SPINK5: variants seen among roughly 807,000 people sequenced by gnomAD.
SPINK5 encodes serine protease inhibitor Kazal-type 5.
In SPINK5, 125 loss-of-function variants were observed where a neutral mutation model predicts 151.8. The ratio of observed to expected loss-of-function variants is 0.82; its 90% CI spans 0.71 to 0.96. The LOEUF (loss-of-function observed/expected upper bound fraction) is 0.96, where lower values mean the gene tolerates loss of function less well. Ranked by LOEUF, SPINK5 falls within the 40% of genes least tolerant of loss-of-function variation. The pLI is 0.00. For missense variants in SPINK5, 1,194 were observed against 1,291.9 expected (o/e 0.92, Z 1.16); for synonymous variants, 374 against 395.3 (o/e 0.95, Z 0.64).
In SPINK5 at chr5:148,114,355, C is replaced by G; in HGVS notation, c.1888-7C>G. 1 of 1,608,458 alleles carries G rather than the reference C, an allele frequency of 6.2e-7. No homozygotes were observed. Among genetic ancestry groups the G allele is most frequent in the South Asian group, 1.1e-5 (1 of 90,784 alleles). The stretch of plus-strand genomic sequence containing the variant: ...ACTCAAGCTTTCTCCTTTTCTTTTC[C>G]TTTTAGGAGACATGCGATGAATTTC... On this transcript the variant is annotated splice_region_variant and splice_polypyrimidine_tract_variant and intron_variant, in intron 20 of 32. Transcript: ENST00000256084.
Position 148,099,243 on chromosome 5 carries a change from A to G in SPINK5, c.1020A>G (p.Glu340=). 1 of 1,610,336 alleles carries G rather than the reference A, an allele frequency of 6.2e-7. No individual in the cohort carries two copies. The highest frequency in any genetic ancestry group is 8.5e-7 in the Non-Finnish European group (1 of 1,178,034). ...TTTCCCTCTTATTCAGCCAAGCAGA[A>G]AATGAAGAAAAGAAAAAGGCTGAAG... is the stretch of plus-strand genomic sequence containing the variant. ...CSMCQAYFQA[E]NEEKKKAEAR... is the part of the protein sequence containing the mutation. Residue 340 remains glutamate (E), a synonymous_variant, in exon 12 of 33, where the codon GAA becomes GAG. Transcript: ENST00000256084.
chr5:148,095,734 A>AC, intron 9 of SPINK5, 84 bp from the exon 10 acceptor site: 1 of 1,175,788 alleles, frequency 8.5e-7, no homozygotes. Context: ...AGGACAACTT[A>AC]GATATTTTTC....
chr5:148,088,597 C>A lies in SPINK5; in HGVS notation c.466C>A (p.Pro156Thr), dbSNP rs749514810. Residue 156 changes from proline (P) to threonine (T), a missense_variant, in exon 6 of 33, where the codon CCA becomes ACA. Pro to Thr is a conservative substitution (Grantham distance 38). Transcript: ENST00000256084. The stretch of plus-strand genomic sequence containing the variant: ...TGAAGGGGAATGTAAGAGCAGTAAT[C>A]CAGAGCAGGTGAGGTCAATTGTCAG... ...KSEGECKSSN[P>T]EQDVCSAFRP... The A allele has an allele frequency of 8.1e-6, 13 of 1,611,336 alleles. No homozygotes were observed. The highest frequency in any genetic ancestry group is 1.7e-5 in the Admixed American group (1 of 59,712).
chr5:148,093,891 G>T (rs1200097403), intron 8 of SPINK5, among the ~76,000 whole-genome samples: 1 of 151,782 alleles, frequency 6.6e-6, no homozygotes, highest in African/African-American at 2.4e-5. Context: ...CTGTTTCTTA[G>T]TAATCCTCAT....
chr5:148,083,414 G>A (rs1753072908), intron 4 of SPINK5, among the ~76,000 whole-genome samples: 2 of 151,090 alleles, frequency 1.3e-5, no homozygotes, highest in African/African-American at 4.8e-5. Context: ...TATATTTATT[G>A]TTATTTCTGT....
At chr5:148,097,238 A>T (rs73271110) in intron 10 of SPINK5, among the ~76,000 whole-genome samples, 12,228 of 151,968 alleles carry the variant, frequency 0.08, 775 homozygotes, top group African/African-American at 0.17. Flanking sequence ...TTTCTGCTAT[A>T]AACATTTATA....
In SPINK5 at chr5:148,100,537, T is replaced by A. The variant is rs764083167; in HGVS notation, c.1176T>A (p.Asp392Glu). 3.1e-6 allele frequency: 5 copies of A among 1,613,088 alleles called. No individual in the cohort carries two copies. The African/African-American group carries it at 6.7e-5, about 22-fold the overall frequency. ...TRENDPIQGP[D>E]GKVHGNTCSM... is the part of the protein sequence containing the mutation. ...AGAACGATCCTATCCAGGGCCCAGA[T>A]GGGAAAGTGCATGGCAACACCTGCT... Residue 392 changes from aspartate (D) to glutamate (E), a missense_variant, in exon 13 of 33, where the codon GAT becomes GAA. Transcript: ENST00000256084.
chr5:148,074,160 A>C (rs1339940750), intron 4 of SPINK5, among the ~76,000 whole-genome samples: 1 of 151,476 alleles, frequency 6.6e-6, no homozygotes, highest in African/African-American at 2.4e-5. Flanking sequence ...CAACCCTGCT[A>C]CTCCCTCTCA....
intron 15 of SPINK5, among the ~76,000 whole-genome samples, chr5:148,102,758 A>G (rs1032775237): frequency 6.6e-6 from 1 of 152,110 alleles, no homozygotes; most frequent in African/African-American, 2.4e-5. Flanking sequence ...TACTTATTCT[A>G]TGTGATTTTA....
At position 148,124,856 on chromosome 5, in the gene SPINK5, C is replaced by T; in HGVS notation, c.2739+19C>T. ...TGCAAAGGTTATTTATTAAAGGATA[C>T]CAAAATAACCATTTTACTTTTCACC... On this transcript the variant is annotated intron_variant, in intron 28 of 32. Coordinates refer to ENST00000256084, the MANE Select transcript of SPINK5 (RefSeq NM_006846.4). 2 of 1,566,664 alleles carry T rather than the reference C, an allele frequency of 1.3e-6. No homozygotes were observed. Among genetic ancestry groups the T allele is most frequent in the Non-Finnish European group, 1.7e-6 (2 of 1,160,312 alleles).
chr5:148,087,427 C>A (rs764157040), intron 5 of SPINK5, among the ~76,000 whole-genome samples: 31 of 151,778 alleles, frequency 2.0e-4, no homozygotes, highest in Admixed American at 3.9e-4. Flanking sequence ...TGAGATCCTG[C>A]AAGCTTTAGC....
At chr5:148,095,996 TC>T in intron 10 of SPINK5, 91 bp downstream of exon 10, 1 of 986,604 alleles carries the variant, frequency 1.0e-6, no homozygotes. Context: ...GTATGCACTT[TC>T]AATATTGTTT....
rs1311096640 is a variant in SPINK5 at position 148,064,172 on chromosome 5, C to T, written c.55+73C>T. ...CCCTGGGGAAGGGACTTTTCTCCCC[C>T]TACTCCTGCCAAAAAATGTTTACGT... is the stretch of plus-strand genomic sequence containing the variant. On this transcript the variant is annotated intron_variant, in intron 1 of 32. Coordinates refer to ENST00000256084, the MANE Select transcript of SPINK5 (RefSeq NM_006846.4). The T allele has an allele frequency of 2.6e-6, 4 of 1,534,042 alleles. No individual in the cohort carries two copies. The East Asian group carries it at 9.0e-5, about 34-fold the overall frequency.
rs1177000218 is a variant in SPINK5, at chr5:148,126,998, GGAAA to G, written c.2885_2888del (p.Glu962GlyfsTer40). 1.2e-6 allele frequency: 2 copies of G among 1,612,736 alleles called. No individual in the cohort carries two copies. The highest frequency in any genetic ancestry group is 3.3e-5 in the Admixed American group (2 of 59,900). ...TCTTCTCTAGTCTAACAGAAGCTTT[GGAAA>G]GGGCAAAGCTTCAAGAAAAGCCATC... On this transcript the variant is annotated frameshift_variant, in exon 30 of 33. Transcript: ENST00000256084. LOFTEE classifies it high-confidence loss of function.
intron 4 of SPINK5, among the ~76,000 whole-genome samples, chr5:148,076,874 G>A (rs1222827538): frequency 6.6e-6 from 1 of 151,494 alleles, no homozygotes; most frequent in Non-Finnish European, 1.5e-5. Flanking sequence ...CCTTAAAAAA[G>A]GGAATTACCA....
rs1554106812 is a variant in SPINK5, at chr5:148,123,445, C to CTATCTATA, written c.2539-385_2539-384insCTATATAT. Among the ~76,000 whole-genome samples, 122 of 130,350 alleles carry CTATCTATA rather than the reference C, an allele frequency of 9.4e-4. 3 individuals carry two copies. The highest frequency in any genetic ancestry group is 3.1e-3 in the East Asian group (14 of 4,506). The allele number at this position is 130,350 out of a possible 152,430, so 85.5% of individuals were successfully genotyped here. On this transcript the variant is annotated intron_variant, in intron 26 of 32. Coordinates refer to ENST00000256084, the MANE Select transcript of SPINK5 (RefSeq NM_006846.4). The stretch of plus-strand genomic sequence containing the variant: ...ATATAGATATATATTATCTATCTAT[C>CTATCTATA]TATATATATAATCTTGTTATATATA...
In SPINK5 at chr5:148,080,389, T is replaced by C. The variant is rs147779500; in HGVS notation, c.283-6016T>C. On this transcript the variant is annotated intron_variant, in intron 4 of 32. Coordinates refer to ENST00000256084, the MANE Select transcript of SPINK5 (RefSeq NM_006846.4). ...TTCTTTTTGGTAGAAATAGAGCAGT[T>C]GATCCTACTAGTTATATAAAAAATA... is the stretch of plus-strand genomic sequence containing the variant. Among the ~76,000 whole-genome samples the C allele has an allele frequency of 4.8e-3, 731 of 151,504 alleles. 9 individuals are homozygous for C. Among genetic ancestry groups the C allele is most frequent in the Admixed American group, 0.026 (401 of 15,172 alleles).
Position 148,136,929 on chromosome 5 carries a change from A to T in SPINK5, c.3187-54A>T. On this transcript the variant is annotated intron_variant, in intron 32 of 32. Transcript: ENST00000256084. ...ATGCAGCTATAAATATACAGCCCAC[A>T]TTTCTGCAATATCTCTGGGTTCTAG... 1.9e-6 allele frequency: 3 copies of T among 1,609,178 alleles called. No homozygotes were observed. In the South Asian group the frequency reaches 3.3e-5, roughly 18 times the overall value.
At chr5:148,130,820 C>T (rs570019971) in intron 30 of SPINK5, among the ~76,000 whole-genome samples, 2 of 152,200 alleles carry the variant, frequency 1.3e-5, no homozygotes, top group South Asian at 2.1e-4. Context: ...AGTTACTTCT[C>T]TAGTTAGTGG....
Sources: allele counts gnomAD v4.1 joint callset (sites outside exome capture counted in the v4.1 genomes callset), GRCh38; gene constraint gnomAD v4.1.1; transcripts MANE v1.5; gene names NCBI Gene and HGNC (gene_info 2026-07-23, HGNC 2026-07-21).